Variants in OSBPL1A observed in about 807,000 individuals in gnomAD.
OSBPL1A encodes the protein oxysterol binding protein like 1A.
In OSBPL1A, 80 loss-of-function variants were observed where a neutral mutation model predicts 137.1. The observed-to-expected ratio is 0.58, with a 90% CI of 0.49 to 0.70. OSBPL1A has a LOEUF of 0.70. Ranked by LOEUF, OSBPL1A falls within the 30% of genes least tolerant of loss-of-function variation. The probability of loss-of-function intolerance (pLI) is 0.00; values close to 1 mark genes in which losing one functional copy is unlikely to be tolerated. For synonymous variants in OSBPL1A, 365 were observed against 389.7 expected, an observed-to-expected ratio of 0.94 and a Z score of 0.75; for missense variants, 970 against 1,129.4, an observed-to-expected ratio of 0.86 and a Z score of 2.02.
At chr18:24,268,897 G>T (rs1374995715) in intron 15 of OSBPL1A, among the ~76,000 whole-genome samples, 2 of 152,236 alleles carry the variant, frequency 1.3e-5, no homozygotes, top group East Asian at 3.9e-4. Flanking sequence ...AATCTTACTT[G>T]AACATAATAG....
rs2089941565 is a variant in OSBPL1A at position 24,280,850 on chromosome 18, G to C, written c.1273C>G (p.Gln425Glu). 1.3e-6 allele frequency: 2 copies of C among 1,583,898 alleles called. No homozygotes were observed. The highest frequency in any genetic ancestry group is 2.7e-5 in the African/African-American group (2 of 72,988). The change falls in exon 15 of 28, where the codon CAA becomes GAA. Residue 425 changes from glutamine (Q) to glutamate (E), a missense_variant. Gln to Glu is a conservative substitution (Grantham distance 29). Transcript: ENST00000319481. ...AATTCTGAACTACCTACCCCTTCTT[G>C]TTTGGTGAAGAGATTAAGGCAATCA... Reference protein sequence around the residue: ...LTDCLNLFTKQEGVRNFKLEQ... With the variant: ...LTDCLNLFTKEEGVRNFKLEQ...
intron 4 of OSBPL1A, among the ~76,000 whole-genome samples, chr18:24,354,144 A>G (rs1568047920): frequency 6.6e-6 from 1 of 152,072 alleles, no homozygotes; most frequent in East Asian, 1.9e-4. Context: ...TAAAAAAAAA[A>G]CTCAAGTTAA....
At chr18:24,353,767 A>G (rs1280239134) in intron 4 of OSBPL1A, among the ~76,000 whole-genome samples, 2 of 152,034 alleles carry the variant, frequency 1.3e-5, no homozygotes, top group Non-Finnish European at 2.9e-5. Context: ...TGTCCTTCGT[A>G]GGGACATGGA....
At chr18:24,275,513 T>A (rs2089824578) in intron 15 of OSBPL1A, among the ~76,000 whole-genome samples, 2 of 151,810 alleles carry the variant, frequency 1.3e-5, no homozygotes, top group African/African-American at 4.8e-5. Context: ...GATATCAGGG[T>A]CACAAAATGA....
chr18:24,213,126 G>A (rs2145970674), intron 17 of OSBPL1A, among the ~76,000 whole-genome samples: 1 of 152,330 alleles, frequency 6.6e-6, no homozygotes, highest in Non-Finnish European at 1.5e-5. Flanking sequence ...TTAACCTGCT[G>A]TTAGACCTCT....
intron 15 of OSBPL1A, among the ~76,000 whole-genome samples, chr18:24,245,834 T>G (rs1441646171): frequency 3.3e-5 from 5 of 152,226 alleles, no homozygotes; most frequent in African/African-American, 1.2e-4. Context: ...ATCACTGCCT[T>G]TTCAAATGCA....
intron 17 of OSBPL1A, among the ~76,000 whole-genome samples, chr18:24,224,710 A>G (rs1195780118): frequency 3.3e-5 from 5 of 152,242 alleles, no homozygotes; most frequent in Admixed American, 6.5e-5. Flanking sequence ...AATGGAAGGC[A>G]GAGTCATAAA....
intron 15 of OSBPL1A, among the ~76,000 whole-genome samples, chr18:24,260,940 A>C (rs1440949844): frequency 6.6e-6 from 1 of 152,104 alleles, no homozygotes; most frequent in African/African-American, 2.4e-5. Context: ...TGTCCACATA[A>C]ATACTTGTAT....
intron 15 of OSBPL1A, among the ~76,000 whole-genome samples, chr18:24,251,167 T>C (rs1006112255): frequency 6.6e-6 from 1 of 152,196 alleles, no homozygotes; most frequent in African/African-American, 2.4e-5. Flanking sequence ...TGGACCTATT[T>C]GGGGCCTGGG....
intron 1 of OSBPL1A, among the ~76,000 whole-genome samples, chr18:24,395,355 CAT>C (rs1261379692): frequency 1.3e-5 from 2 of 152,176 alleles, no homozygotes; most frequent in African/African-American, 2.4e-5. Flanking sequence ...TCAATGAAAA[CAT>C]ATGATGTATA....
chr18:24,380,894 G>A (rs538735627), intron 1 of OSBPL1A, among the ~76,000 whole-genome samples: 3 of 151,076 alleles, frequency 2.0e-5, no homozygotes, highest in Admixed American at 1.3e-4. Context: ...GGAGGTTGCA[G>A]TGAGCTGAGA....
Position 24,231,238 on chromosome 18 carries a change from T to C in OSBPL1A, c.1445-6040A>G, listed in dbSNP as rs1336905784. Among the ~76,000 whole-genome samples, 3 of 152,320 alleles carry C rather than the reference T, an allele frequency of 2.0e-5. No individual in the cohort carries two copies. The South Asian group carries it at 6.2e-4, about 32-fold the overall frequency. ...ATTAATAGAATTAAAATGTAAAATC[T>C]CACAAAGTTTGCTTTAATGTTATGG... On this transcript the variant is annotated intron_variant, in intron 16 of 27. Coordinates refer to ENST00000319481, the MANE Select transcript of OSBPL1A (RefSeq NM_080597.4).
chr18:24,203,552 C>T (rs948339418), intron 17 of OSBPL1A, among the ~76,000 whole-genome samples: 10 of 152,210 alleles, frequency 6.6e-5, no homozygotes, highest in South Asian at 4.1e-4. Flanking sequence ...CACATGTACA[C>T]GTATGTAGGT....
At chr18:24,322,222 G>T (rs1400367862) in intron 7 of OSBPL1A, among the ~76,000 whole-genome samples, 1 of 148,408 alleles carries the variant, frequency 6.7e-6, no homozygotes, top group Non-Finnish European at 1.5e-5. Flanking sequence ...CTATTCTCCT[G>T]CCTCAGCCTC....
intron 13 of OSBPL1A, among the ~76,000 whole-genome samples, chr18:24,311,133 G>A (rs74680585): frequency 0.15 from 20,698 of 135,420 alleles, 2,285 homozygotes; most frequent in African/African-American, 0.33. Flanking sequence ...GGGATTGAAA[G>A]AGTCAAAATA....
intron 14 of OSBPL1A, among the ~76,000 whole-genome samples, chr18:24,286,589 T>C (rs1875244773): frequency 6.6e-6 from 1 of 152,166 alleles, no homozygotes; most frequent in South Asian, 2.1e-4. Flanking sequence ...ATATTAAAAT[T>C]TCAGAGAAGA....
intron 1 of OSBPL1A, among the ~76,000 whole-genome samples, chr18:24,396,526 T>C (rs932198883): frequency 2.0e-5 from 3 of 152,126 alleles, no homozygotes; most frequent in African/African-American, 7.2e-5. Flanking sequence ...TGAAAAAGAA[T>C]AGTTAAATTT....
chr18:24,310,046 C>CAAA (rs56309417), intron 13 of OSBPL1A, among the ~76,000 whole-genome samples: 4 of 90,612 alleles, frequency 4.4e-5, no homozygotes, highest in Admixed American at 1.4e-4. Flanking sequence ...GACTCTGTCT[C>CAAA]AAAAAAAAAA....
rs200734990 is a variant in OSBPL1A at position 24,181,133 on chromosome 18, C to G, written c.1812+12G>C. ...CTCTAAGAGTTAGACCTTTTCCTCC[C>G]TTGGCTCATACCTGCATCCTTTCCA... On this transcript the variant is annotated intron_variant, in intron 19 of 27. Transcript: ENST00000319481. The G allele has an allele frequency of 5.5e-5, 89 of 1,612,550 alleles. No homozygotes were observed. Among genetic ancestry groups the G allele is most frequent in the Non-Finnish European group, 7.1e-5 (84 of 1,179,428 alleles).
Sources: allele counts gnomAD v4.1 joint callset (sites outside exome capture counted in the v4.1 genomes callset), GRCh38; gene constraint gnomAD v4.1.1; transcripts MANE v1.5; gene names NCBI Gene and HGNC (gene_info 2026-07-23, HGNC 2026-07-21).